The following AUTS2 variants were observed in gnomAD, a reference collection of about 807,000 sequenced individuals.
AUTS2 encodes autism susceptibility gene 2 protein.
A neutral mutation model predicts 112.4 loss-of-function variants in AUTS2; 17 were observed. The ratio of observed to expected loss-of-function variants is 0.15; its 90% CI spans 0.10 to 0.23. The LOEUF is 0.23. Among genes scored for constraint, AUTS2 ranks in the 10% least tolerant of loss-of-function variants. The pLI is 1.00. For synonymous variants in AUTS2, 751 were observed against 702.7 expected, an observed-to-expected ratio of 1.07 and a Z score of -1.09; for missense variants, 1,510 against 1,701.6, an observed-to-expected ratio of 0.89 and a Z score of 1.98.
intron 5 of AUTS2, among the ~76,000 whole-genome samples, chr7:70,440,282 C>CCTA (rs147985742): frequency 0.012 from 1,814 of 151,336 alleles, 16 homozygotes; most frequent in Non-Finnish European, 0.02. Context: ...GTGGCATGTG[C>CCTA]CTATAGTCCC....
intron 4 of AUTS2, among the ~76,000 whole-genome samples, chr7:70,296,877 T>TCAAAAAAAACTCCAGCA (rs1366579197): frequency 1.3e-5 from 2 of 150,814 alleles, no homozygotes; most frequent in Non-Finnish European, 2.9e-5. Flanking sequence ...TGTCTTGCTC[T>TCAAAAAAAACTCCAGCA]GTCACCCAGG....
chr7:70,002,370 A>C (rs1013083601), intron 2 of AUTS2, among the ~76,000 whole-genome samples: 1 of 152,094 alleles, frequency 6.6e-6, no homozygotes. Context: ...ATTAAATTTT[A>C]TTTCACTCTA....
At chr7:70,281,061 A>G (rs550460605) in intron 4 of AUTS2, among the ~76,000 whole-genome samples, 11 of 152,218 alleles carry the variant, frequency 7.2e-5, no homozygotes, top group African/African-American at 2.6e-4. Flanking sequence ...GAAAGTGATA[A>G]TGAATGAATG....
chr7:70,461,196 G>A (rs539847763), intron 5 of AUTS2, among the ~76,000 whole-genome samples: 86 of 147,378 alleles, frequency 5.8e-4, no homozygotes, highest in African/African-American at 2.1e-3. Flanking sequence ...GGTAACTTAA[G>A]GGCAGAAAAA....
intron 5 of AUTS2, among the ~76,000 whole-genome samples, chr7:70,664,339 A>G (rs543328797): frequency 1.3e-5 from 2 of 152,172 alleles, no homozygotes; most frequent in Non-Finnish European, 2.9e-5. Context: ...CCCCTGGGGT[A>G]AATGGCAGCT....
intron 4 of AUTS2, among the ~76,000 whole-genome samples, chr7:70,222,301 A>G (rs1055323560): frequency 1.3e-5 from 2 of 152,202 alleles, no homozygotes; most frequent in African/African-American, 2.4e-5. Flanking sequence ...GAGGGATAGC[A>G]AATGTAGGAA....
At chr7:70,096,318 C>A (rs529565755) in intron 2 of AUTS2, among the ~76,000 whole-genome samples, 1 of 151,872 alleles carries the variant, frequency 6.6e-6, no homozygotes, top group Non-Finnish European at 1.5e-5. Flanking sequence ...TTGAAAAAGC[C>A]GGTCGCAGTG....
At chr7:69,845,067 G>C (rs1373738415) in intron 1 of AUTS2, among the ~76,000 whole-genome samples, 2 of 152,168 alleles carry the variant, frequency 1.3e-5, no homozygotes, top group Non-Finnish European at 1.5e-5. Context: ...CAGAGGCTGT[G>C]TTCATCCTTC....
intron 2 of AUTS2, among the ~76,000 whole-genome samples, chr7:69,973,623 T>C (rs1239859426): frequency 6.6e-6 from 1 of 152,164 alleles, no homozygotes; most frequent in East Asian, 1.9e-4. Context: ...CCTAGTTTTC[T>C]GAGATTTTTT....
At chr7:70,577,265 G>A (rs1462977108) in intron 5 of AUTS2, among the ~76,000 whole-genome samples, 1 of 152,166 alleles carries the variant, frequency 6.6e-6, no homozygotes, top group Non-Finnish European at 1.5e-5. Context: ...CACCGTGGCT[G>A]CTGGAAGCCT....
chr7:70,043,837 G>T (rs1262910242), intron 2 of AUTS2, among the ~76,000 whole-genome samples: 1 of 151,848 alleles, frequency 6.6e-6, no homozygotes, highest in Non-Finnish European at 1.5e-5. Context: ...TCGGACTCCC[G>T]ATCTCAGGTG....
intron 2 of AUTS2, among the ~76,000 whole-genome samples, chr7:69,902,894 G>A (rs1795022236): frequency 1.3e-5 from 2 of 152,188 alleles, no homozygotes; most frequent in African/African-American, 2.4e-5. Context: ...GGTGGCACCT[G>A]TCTTGGCAAA....
chr7:69,759,284 A>G (rs1052929666), intron 1 of AUTS2, among the ~76,000 whole-genome samples: 1 of 151,972 alleles, frequency 6.6e-6, no homozygotes, highest in African/African-American at 2.4e-5. Flanking sequence ...AAACATCTGT[A>G]TCTACATAAT....
At chr7:69,951,920 A>C (rs893407269) in intron 2 of AUTS2, among the ~76,000 whole-genome samples, 2 of 152,190 alleles carry the variant, frequency 1.3e-5, no homozygotes, top group Non-Finnish European at 2.9e-5. Flanking sequence ...TGGAAAACTG[A>C]TTTGAAAGAC....
intron 5 of AUTS2, among the ~76,000 whole-genome samples, chr7:70,584,323 A>C (rs1035870451): frequency 1.3e-5 from 2 of 152,228 alleles, no homozygotes; most frequent in Non-Finnish European, 2.9e-5. Context: ...CTGCTTTAGC[A>C]GACAGGCCCT....
chr7:70,667,114 C>A (rs1807392191), intron 5 of AUTS2, among the ~76,000 whole-genome samples: 1 of 151,968 alleles, frequency 6.6e-6, no homozygotes, highest in Non-Finnish European at 1.5e-5. Flanking sequence ...ATTTAGTACT[C>A]AAAGGATTAA....
At chr7:69,615,304 T>C (rs1376060509) in intron 1 of AUTS2, among the ~76,000 whole-genome samples, 3 of 152,082 alleles carry the variant, frequency 2.0e-5, no homozygotes, top group Non-Finnish European at 4.4e-5. Context: ...AACATTACTT[T>C]AGCATTATTT....
chr7:69,678,166 A>T (rs1422671341), intron 1 of AUTS2, among the ~76,000 whole-genome samples: 1 of 152,076 alleles, frequency 6.6e-6, no homozygotes, highest in African/African-American at 2.4e-5. Context: ...TCTTTCTGAC[A>T]GGCACAGGAA....
rs545998814 is a variant in AUTS2 at position 70,408,047 on chromosome 7, C to A, written c.661-27705C>A. On this transcript the variant is annotated intron_variant, in intron 4 of 18. Coordinates refer to ENST00000342771, the MANE Select transcript of AUTS2 (RefSeq NM_015570.4). ...CCAGCCTGGGCGACAGAGCGAGACT[C>A]CATCTCAAAAAAAAAAAAAAAAAAG... Among the ~76,000 whole-genome samples the A allele has an allele frequency of 3.2e-3, 465 of 146,708 alleles. 2 individuals carry two copies. Among genetic ancestry groups the A allele is most frequent in the African/African-American group, 0.011 (437 of 39,672 alleles).
Sources: gnomAD v4.1 joint callset for allele counts (sites outside exome capture counted in the v4.1 genomes callset) on GRCh38, gnomAD v4.1.1 for gene constraint, MANE v1.5 for transcripts, NCBI Gene and HGNC (gene_info 2026-07-23, HGNC 2026-07-21) for gene names.